The following TRIM43B variants were observed in gnomAD, a reference collection of about 807,000 sequenced individuals.
TRIM43B encodes tripartite motif containing 43B.
In TRIM43B, 15 loss-of-function variants were observed where a neutral mutation model predicts 27.0. The observed-to-expected ratio is 0.55, with a 90% CI of 0.37 to 0.85. The LOEUF is 0.85. Among genes scored for constraint, TRIM43B ranks in the 40% least tolerant of loss-of-function variants. TRIM43B has a pLI of 0.00. For missense variants in TRIM43B, 172 were observed against 289.8 expected, an observed-to-expected ratio of 0.59 and a Z score of 2.95; for synonymous variants, 69 against 97.8, an observed-to-expected ratio of 0.71 and a Z score of 1.74.
chr2:95,482,292 G>A lies in TRIM43B; in HGVS notation c.411+12C>T. On this transcript the variant is annotated intron_variant, in intron 2 of 6. Transcript: ENST00000639673. Reference sequence around the variant, plus strand: ...CCTCCAGCTTTCAGGTGATCACAGAGCTATCTCTTACCCGGTCTTCCTCAG... The same window carrying A: ...CCTCCAGCTTTCAGGTGATCACAGAACTATCTCTTACCCGGTCTTCCTCAG... The A allele has an allele frequency of 3.1e-6, 5 of 1,611,194 alleles. No homozygotes were observed. Among genetic ancestry groups the A allele is most frequent in the African/African-American group, 1.3e-5 (1 of 74,886 alleles).
At chr2:95,484,484 A>G (rs878980482) in intron 1 of TRIM43B, 122 bp downstream of exon 1, 1 of 151,886 alleles carries the variant, frequency 6.6e-6, no homozygotes, top group Admixed American at 6.6e-5. Flanking sequence ...CCTTTTTAAA[A>G]CTCGGAAAAT....
At chr2:95,480,519 C>T (rs539398172) in exon 4 of TRIM43B, 40 of 1,608,226 alleles carry the variant, frequency 2.5e-5, no homozygotes, top group East Asian at 1.1e-4. Flanking sequence ...CATCTGTGCC[C>T]GTAAAACCAC....
At position 95,481,697 on chromosome 2, in the gene TRIM43B, A is replaced by T. The variant is rs1251762272; in HGVS notation, c.412-7T>A. ...TTTGCTTTAAGAGTTTCTCCTGCAA[A>T]AGAATTAAAGGTTGAACAGAAAGTC... is the stretch of plus-strand genomic sequence containing the variant. On this transcript the variant is annotated splice_region_variant and splice_polypyrimidine_tract_variant and intron_variant, in intron 2 of 6. Coordinates refer to ENST00000639673, the Ensembl canonical transcript of TRIM43B. 6.2e-7 allele frequency: 1 copy of T among 1,610,818 alleles called. No homozygotes were observed. Among genetic ancestry groups the T allele is most frequent in the South Asian group, 1.1e-5 (1 of 90,142 alleles).
At chr2:95,482,304 C>A (rs1683542785) in exon 2 of TRIM43B, 3 of 1,611,604 alleles carry the variant, frequency 1.9e-6, no homozygotes, top group East Asian at 4.5e-5. Context: ...TATCTCTTAC[C>A]CGGTCTTCCT....
chr2:95,480,702 A>T (rs1302470702), intron 3 of TRIM43B, among the ~76,000 whole-genome samples, 167 bp from the exon 4 acceptor site: 1 of 152,058 alleles, frequency 6.6e-6, no homozygotes, highest in Admixed American at 6.6e-5. Context: ...TCAATTCCCA[A>T]ACACCTGCAA....
chr2:95,483,776 C>G lies in TRIM43B; in HGVS notation c.-5+830G>C, dbSNP rs554522294. ...CCGGGAGGCGGAGCTTGCAGTGAGC[C>G]GAGATAGTGCCACAGCACTCCAGTC... On this transcript the variant is annotated intron_variant, in intron 1 of 6. Transcript: ENST00000639673. Among the ~76,000 whole-genome samples, 37 of 152,020 alleles carry G rather than the reference C, an allele frequency of 2.4e-4. No individual in the cohort carries two copies. The East Asian group carries it at 4.8e-3, about 20-fold the overall frequency.
At chr2:95,480,410 T>C in exon 4 of TRIM43B, 1 of 1,609,024 alleles carries the variant, frequency 6.2e-7, no homozygotes, top group East Asian at 2.3e-5. Context: ...TTCTCTGGAG[T>C]TGCTGAAAAA....
chr2:95,483,893 T>C (rs796694933), intron 1 of TRIM43B, among the ~76,000 whole-genome samples: 31 of 151,924 alleles, frequency 2.0e-4, no homozygotes, highest in African/African-American at 1.9e-4. Flanking sequence ...TTTAAATGTA[T>C]GTTTTGCTAA....
rs1683531817 is a variant in TRIM43B, at chr2:95,481,793, G to A, written c.412-103C>T. 3.1e-6 allele frequency: 4 copies of A among 1,303,340 alleles called. No homozygotes were observed. The East Asian group carries it at 1.0e-4, about 34-fold the overall frequency. The allele number at this position is 1,303,340 out of a possible 1,614,324, so 80.7% of individuals were successfully genotyped here. A position where few individuals can be genotyped will look rare whatever the true frequency, so the allele number is the denominator to read the frequency against. On this transcript the variant is annotated intron_variant, in intron 2 of 6. Coordinates refer to ENST00000639673, the Ensembl canonical transcript of TRIM43B. ...ATCTAATATATAAATACATTAGTGAGAGGAGAAAAAAACAAAATTTTTCAT... is the reference window on the plus strand; with the variant it reads ...ATCTAATATATAAATACATTAGTGAAAGGAGAAAAAAACAAAATTTTTCAT...
intron 1 of TRIM43B, among the ~76,000 whole-genome samples, chr2:95,483,717 A>G (rs1206752507): frequency 6.6e-6 from 1 of 151,804 alleles, no homozygotes; most frequent in Non-Finnish European, 1.5e-5. Flanking sequence ...AGTCCCAGCT[A>G]CTCTGGAGGC....
chr2:95,484,262 C>T (rs1305275842), intron 1 of TRIM43B, among the ~76,000 whole-genome samples: 2 of 151,878 alleles, frequency 1.3e-5, no homozygotes, highest in Admixed American at 1.3e-4. Context: ...TTTCCAGCTA[C>T]TCTGGAGGCG....
chr2:95,481,148 G>A (rs1573603669), intron 3 of TRIM43B, among the ~76,000 whole-genome samples: 1 of 151,926 alleles, frequency 6.6e-6, no homozygotes, highest in East Asian at 1.9e-4. Flanking sequence ...TTTTCCTCAT[G>A]TTGCATTTTC....
rs575739368 is a variant in TRIM43B at position 95,482,327 on chromosome 2, C to T, written c.388G>A (p.Glu130Lys). 537 of 1,611,536 alleles carry T rather than the reference C, an allele frequency of 3.3e-4. 12 individuals carry two copies. In the South Asian group the frequency reaches 5.0e-3, roughly 15 times the overall value. The change falls in exon 2 of 7, where the codon GAA becomes AAA. Residue 130 changes from glutamate to lysine, a missense_variant. Glu to Lys is a moderately conservative substitution (Grantham distance 56). Around this residue, in one of 3 missense-constraint regions of TRIM43B, gnomAD observed 67 missense variants for 66.4 expected, o/e 1.01. Transcript: ENST00000639673. The stretch of plus-strand genomic sequence containing the variant: ...ACCCGGTCTTCCTCAGCTGCCTCTT[C>T]GATGGGATAGTGTTTGTGAGCCCCG...
At position 95,482,867 on chromosome 2, in the gene TRIM43B, G is replaced by C. The variant is rs1243267143; in HGVS notation, c.-4-149C>G. 3.4e-6 allele frequency: 5 copies of C among 1,453,944 alleles called. No individual in the cohort carries two copies. The African/African-American group carries it at 5.7e-5, about 17-fold the overall frequency. 90.1% of individuals were successfully genotyped at this position (1,453,944 alleles called of 1,614,324 possible). ...TGCAATGACAGAAATAGGAAAAATA[G>C]AAAACTAAGGCACAAAGAGACATCA... On this transcript the variant is annotated intron_variant, in intron 1 of 6. Transcript: ENST00000639673.
At chr2:95,481,085 T>C (rs952667284) in intron 3 of TRIM43B, among the ~76,000 whole-genome samples, 1 of 152,008 alleles carries the variant, frequency 6.6e-6, no homozygotes, top group Non-Finnish European at 1.5e-5. Flanking sequence ...CTCTCAATAA[T>C]GACATATTTA....
chr2:95,484,068 TA>T (rs33962775), intron 1 of TRIM43B, among the ~76,000 whole-genome samples: 10,646 of 108,366 alleles, frequency 0.098, 572 homozygotes, highest in African/African-American at 0.19. Flanking sequence ...TATATAAATT[TA>T]AAAAAAAAAA....
intron 2 of TRIM43B, 30 bp downstream of exon 2, chr2:95,482,274 C>G (rs567680241): frequency 6.2e-7 from 1 of 1,606,564 alleles, no homozygotes; most frequent in South Asian, 1.1e-5. Flanking sequence ...CACCCTCCAG[C>G]TTTCAGGTGA....
chr2:95,480,282 C>T (rs768257725), intron 4 of TRIM43B, 23 bp downstream of exon 4: 5 of 1,575,136 alleles, frequency 3.2e-6, no homozygotes, highest in Non-Finnish European at 4.3e-6. Flanking sequence ...CAAAGTGTCT[C>T]AAGGGGCATC....
chr2:95,480,556 T>C, intron 3 of TRIM43B, 21 bp from the exon 4 acceptor site: 9 of 1,603,814 alleles, frequency 5.6e-6, no homozygotes, highest in Non-Finnish European at 7.7e-6. Context: ...ATGAATTTTG[T>C]AGGTTATATA....
Sources: gnomAD v4.1 joint callset for allele counts (sites outside exome capture counted in the v4.1 genomes callset) on GRCh38, gnomAD v4.1.1 for gene constraint, gnomAD v4.1.1 regional missense constraint, MANE v1.5 for transcripts, NCBI Gene and HGNC (gene_info 2026-07-23, HGNC 2026-07-21) for gene names.